The following TBCA variants were observed in gnomAD, a reference collection of about 807,000 sequenced individuals.
The protein encoded by TBCA is tubulin folding cofactor A.
Under a neutral mutation model 15.8 loss-of-function variants are expected in TBCA, and 6 were observed. The ratio of observed to expected loss-of-function variants is 0.38; its 90% confidence interval spans 0.21 to 0.75. TBCA has a LOEUF of 0.75. Ranked by LOEUF, TBCA falls within the 30% of genes least tolerant of loss-of-function variation. TBCA has a pLI of 0.46. For missense variants in TBCA, 90 were observed against 131.2 expected (o/e 0.69, Z 1.53); for synonymous variants, 32 against 42.3 (o/e 0.76, Z 0.94).
At chr5:77,740,570 G>A (rs971593771) in intron 1 of TBCA, among the ~76,000 whole-genome samples, 2 of 152,192 alleles carry the variant, frequency 1.3e-5, no homozygotes, top group African/African-American at 2.4e-5. Context: ...AGAAGATTGA[G>A]GGAGAGGTAA....
At chr5:77,754,626 A>T (rs755405730) in intron 1 of TBCA, among the ~76,000 whole-genome samples, 3 of 152,220 alleles carry the variant, frequency 2.0e-5, no homozygotes, top group Non-Finnish European at 4.4e-5. Context: ...CCTAAGTAAG[A>T]ACCTTAAGAT....
intron 1 of TBCA, among the ~76,000 whole-genome samples, chr5:77,752,871 T>A (rs1747383676): frequency 1.3e-5 from 2 of 152,112 alleles, no homozygotes; most frequent in South Asian, 4.1e-4. Flanking sequence ...GGCTTATTTT[T>A]AATAGAGACG....
chr5:77,739,161 CA>C (rs1302653435), intron 1 of TBCA, among the ~76,000 whole-genome samples: 1 of 152,050 alleles, frequency 6.6e-6, no homozygotes, highest in African/African-American at 2.4e-5. Flanking sequence ...TGGGTTGGAT[CA>C]AGAAAGTTTG....
intron 1 of TBCA, among the ~76,000 whole-genome samples, chr5:77,711,102 T>G (rs73768433): frequency 0.075 from 11,435 of 152,236 alleles, 567 homozygotes; most frequent in African/African-American, 0.14. Context: ...GTCTCAGAGC[T>G]ATGAACAGTT....
chr5:77,699,317 T>A (rs887034171), intron 2 of TBCA, among the ~76,000 whole-genome samples: 4 of 151,736 alleles, frequency 2.6e-5, no homozygotes, highest in African/African-American at 9.7e-5. Flanking sequence ...TTGAAAAAAA[T>A]AAAATAAAAT....
chr5:77,738,051 C>A (rs1412645271), intron 1 of TBCA, among the ~76,000 whole-genome samples: 1 of 152,198 alleles, frequency 6.6e-6, no homozygotes, highest in African/African-American at 2.4e-5. Context: ...GATATTACCT[C>A]TACCTCTTGG....
At chr5:77,737,540 T>A (rs186609612) in intron 1 of TBCA, among the ~76,000 whole-genome samples, 1 of 152,330 alleles carries the variant, frequency 6.6e-6, no homozygotes, top group Admixed American at 6.5e-5. Flanking sequence ...AACTACTTTG[T>A]AATGTAATAC....
At chr5:77,712,822 C>T (rs946545236) in intron 1 of TBCA, among the ~76,000 whole-genome samples, 1 of 151,998 alleles carries the variant, frequency 6.6e-6, no homozygotes, top group Non-Finnish European at 1.5e-5. Context: ...TCTCTAGATG[C>T]TATTATGGAA....
intron 1 of TBCA, among the ~76,000 whole-genome samples, chr5:77,736,269 G>A (rs1045287948): frequency 3.4e-5 from 5 of 149,186 alleles, no homozygotes; most frequent in African/African-American, 1.2e-4. Context: ...CCAGGAGGCA[G>A]AGGTTGCAGT....
intron 2 of TBCA, among the ~76,000 whole-genome samples, chr5:77,704,099 C>CT (rs1484092633): frequency 6.6e-6 from 1 of 151,970 alleles, no homozygotes; most frequent in Non-Finnish European, 1.5e-5. Context: ...TCAAGTAAAC[C>CT]TTTTTTCTTT....
chr5:77,762,427 G>A (rs926943899), intron 1 of TBCA, among the ~76,000 whole-genome samples: 1 of 152,006 alleles, frequency 6.6e-6, no homozygotes, highest in Non-Finnish European at 1.5e-5. Context: ...TTTAATTGTG[G>A]TAGTAGTGCT....
intron 2 of TBCA, among the ~76,000 whole-genome samples, chr5:77,703,646 G>A (rs1169244421): frequency 2.0e-5 from 3 of 151,958 alleles, no homozygotes; most frequent in Middle Eastern, 3.2e-3. Context: ...GCATGATCAC[G>A]GCTCACTGCA....
At chr5:77,737,581 G>T (rs1746939579) in intron 1 of TBCA, among the ~76,000 whole-genome samples, 2 of 152,100 alleles carry the variant, frequency 1.3e-5, no homozygotes, top group Admixed American at 1.3e-4. Context: ...CCTGTCTCAG[G>T]TTCATCGTTT....
At chr5:77,728,377 T>G (rs1473296034) in intron 1 of TBCA, among the ~76,000 whole-genome samples, 1 of 152,214 alleles carries the variant, frequency 6.6e-6, no homozygotes. Context: ...TCTTTAGGTA[T>G]GATTCTATAA....
chr5:77,761,353 T>C (rs1191337541), intron 1 of TBCA, among the ~76,000 whole-genome samples: 2 of 152,210 alleles, frequency 1.3e-5, no homozygotes, highest in African/African-American at 4.8e-5. Context: ...CCGTGCTCTC[T>C]GAAACATGTG....
intron 2 of TBCA, 180 bp from the exon 3 acceptor site, chr5:77,693,532 C>T (rs1428642405): frequency 2.6e-6 from 2 of 759,700 alleles, no homozygotes; most frequent in African/African-American, 3.5e-5. Flanking sequence ...GGCACAGTGG[C>T]TCACGCCTGT....
intron 1 of TBCA, among the ~76,000 whole-genome samples, chr5:77,769,448 G>A (rs1285777952): frequency 2.0e-5 from 3 of 152,178 alleles, no homozygotes; most frequent in Admixed American, 2.0e-4. Flanking sequence ...AAAGCTAATG[G>A]GGGGAGACTT....
chr5:77,694,460 GA>G (rs1038660445), intron 2 of TBCA, among the ~76,000 whole-genome samples: 27 of 151,728 alleles, frequency 1.8e-4, no homozygotes, highest in East Asian at 5.8e-4. Flanking sequence ...AATCATGAAA[GA>G]AAAAAAATCA....
chr5:77,701,720 T>C (rs1314927384), intron 2 of TBCA, among the ~76,000 whole-genome samples: 1 of 139,670 alleles, frequency 7.2e-6, no homozygotes, highest in Non-Finnish European at 1.5e-5. Flanking sequence ...TATATATATA[T>C]ATATATGATG....
Sources: gnomAD v4.1 joint callset for allele counts (sites outside exome capture counted in the v4.1 genomes callset) on GRCh38, gnomAD v4.1.1 for gene constraint, MANE v1.5 for transcripts, NCBI Gene and HGNC (gene_info 2026-07-23, HGNC 2026-07-21) for gene names.